The following ZFPM2 variants were observed in gnomAD, a reference collection of about 807,000 sequenced individuals.
ZFPM2 encodes zinc finger protein ZFPM2.
In ZFPM2, 20 loss-of-function variants were observed where a neutral mutation model predicts 98.6. The observed-to-expected ratio is 0.20, with a 90% CI of 0.14 to 0.29. The LOEUF (loss-of-function observed/expected upper bound fraction) is 0.29. Ranked by LOEUF, ZFPM2 falls within the 10% of genes least tolerant of loss-of-function variation. The pLI, the probability that ZFPM2 is intolerant of heterozygous loss-of-function variation, is 1.00. For missense variants in ZFPM2, 1,310 were observed against 1,388.6 expected, an observed-to-expected ratio of 0.94 and a Z score of 0.90; for synonymous variants, 518 against 502.7, an observed-to-expected ratio of 1.03 and a Z score of -0.41.
chr8:105,500,672 AATACT>A (rs1288680444), intron 3 of ZFPM2, among the ~76,000 whole-genome samples: 3 of 152,174 alleles, frequency 2.0e-5, no homozygotes, highest in Non-Finnish European at 4.4e-5. Flanking sequence ...TATTGAAGAA[AATACT>A]ATAATCAAAA....
At chr8:105,580,138 TCTC>T (rs150743970) in intron 4 of ZFPM2, among the ~76,000 whole-genome samples, 17,199 of 152,126 alleles carry the variant, frequency 0.11, 1,220 homozygotes, top group Non-Finnish European at 0.16. Flanking sequence ...TCTTATGTCT[TCTC>T]TTCTTTGGTC....
At chr8:105,340,852 C>T (rs1307018779) in intron 1 of ZFPM2, among the ~76,000 whole-genome samples, 1 of 151,766 alleles carries the variant, frequency 6.6e-6, no homozygotes, top group Non-Finnish European at 1.5e-5. Context: ...CATAAGTATA[C>T]GAAGAAAATA....
chr8:105,588,052 C>T (rs1254778567), intron 4 of ZFPM2, among the ~76,000 whole-genome samples: 1 of 152,024 alleles, frequency 6.6e-6, no homozygotes, highest in Non-Finnish European at 1.5e-5. Flanking sequence ...CTATATTTAG[C>T]CTTTAAAAAT....
chr8:105,708,751 A>G (rs1288950212), intron 5 of ZFPM2, among the ~76,000 whole-genome samples: 4 of 152,104 alleles, frequency 2.6e-5, no homozygotes, highest in Non-Finnish European at 5.9e-5. Context: ...GCCTATTATT[A>G]GTAGATAAGA....
At chr8:105,375,882 A>C (rs1810715558) in intron 1 of ZFPM2, among the ~76,000 whole-genome samples, 1 of 152,170 alleles carries the variant, frequency 6.6e-6, no homozygotes, top group Admixed American at 6.5e-5. Context: ...TGTAAATACA[A>C]GATCATTCCA....
intron 3 of ZFPM2, among the ~76,000 whole-genome samples, chr8:105,475,883 G>T (rs1463578850): frequency 6.6e-6 from 1 of 152,166 alleles, no homozygotes; most frequent in Non-Finnish European, 1.5e-5. Flanking sequence ...GTCATGAGGA[G>T]ACAAATTAAG....
chr8:105,573,724 A>G (rs1815405720), intron 4 of ZFPM2, among the ~76,000 whole-genome samples: 1 of 152,206 alleles, frequency 6.6e-6, no homozygotes, highest in Admixed American at 6.5e-5. Flanking sequence ...GGGGATCAAA[A>G]GTAGTTTGCT....
At chr8:105,625,854 A>G (rs1165801663) in intron 4 of ZFPM2, among the ~76,000 whole-genome samples, 1 of 151,984 alleles carries the variant, frequency 6.6e-6, no homozygotes, top group Admixed American at 6.6e-5. Flanking sequence ...AAGTACTGGG[A>G]TTACACGCCC....
chr8:105,679,698 G>C (rs937699786), intron 5 of ZFPM2, among the ~76,000 whole-genome samples: 7 of 151,722 alleles, frequency 4.6e-5, no homozygotes, highest in African/African-American at 1.7e-4. Context: ...TTGGGAGGCT[G>C]AGGTGTGGGG....
At chr8:105,365,027 C>G (rs1490682120) in intron 1 of ZFPM2, among the ~76,000 whole-genome samples, 1 of 152,114 alleles carries the variant, frequency 6.6e-6, no homozygotes, top group Non-Finnish European at 1.5e-5. Context: ...AACTTGCTCT[C>G]AGCCCCAAAC....
chr8:105,549,562 T>C (rs4734876), intron 3 of ZFPM2, among the ~76,000 whole-genome samples: 3,877 of 96,882 alleles, frequency 0.04, 342 homozygotes, highest in South Asian at 0.057. Context: ...TTCCTTCCTT[T>C]CTTCCTTCCA....
At chr8:105,570,032 G>T (rs1815321994) in intron 4 of ZFPM2, among the ~76,000 whole-genome samples, 1 of 152,084 alleles carries the variant, frequency 6.6e-6, no homozygotes, top group South Asian at 2.1e-4. Context: ...GTAGTGCAAG[G>T]ACTTATAACC....
chr8:105,484,851 CTTTTCTA>C (rs1474535193), intron 3 of ZFPM2, among the ~76,000 whole-genome samples: 1 of 152,114 alleles, frequency 6.6e-6, no homozygotes, highest in Non-Finnish European at 1.5e-5. Flanking sequence ...TCTGGAGCAG[CTTTTCTA>C]TTTGTCAGCT....
At chr8:105,595,465 G>C (rs1477997327) in intron 4 of ZFPM2, among the ~76,000 whole-genome samples, 3 of 152,102 alleles carry the variant, frequency 2.0e-5, no homozygotes, top group African/African-American at 7.2e-5. Context: ...TACTGTCTCA[G>C]ATGCCCACAG....
chr8:105,740,220 A>G (rs1478115179), intron 5 of ZFPM2, among the ~76,000 whole-genome samples: 1 of 152,072 alleles, frequency 6.6e-6, no homozygotes, highest in Non-Finnish European at 1.5e-5. Flanking sequence ...TTTCACAAAC[A>G]TACTTTTATA....
intron 1 of ZFPM2, among the ~76,000 whole-genome samples, chr8:105,407,013 G>A (rs1031517086): frequency 2.6e-5 from 4 of 151,726 alleles, no homozygotes; most frequent in African/African-American, 9.7e-5. Flanking sequence ...GTGCTGCTAG[G>A]CAACAGGTGA....
At chr8:105,524,893 A>G (rs537027547) in intron 3 of ZFPM2, among the ~76,000 whole-genome samples, 1 of 152,128 alleles carries the variant, frequency 6.6e-6, no homozygotes, top group Non-Finnish European at 1.5e-5. Context: ...CAAGTGTCTC[A>G]CCAGGAGATA....
intron 3 of ZFPM2, among the ~76,000 whole-genome samples, chr8:105,444,995 C>T (rs752309445): frequency 2.0e-5 from 3 of 151,980 alleles, no homozygotes; most frequent in Non-Finnish European, 4.4e-5. Context: ...AGAAAAAAGG[C>T]TTTATATTTG....
At chr8:105,380,436 G>A (rs1386994474) in intron 1 of ZFPM2, among the ~76,000 whole-genome samples, 1 of 149,014 alleles carries the variant, frequency 6.7e-6, no homozygotes, top group Non-Finnish European at 1.5e-5. Flanking sequence ...TTCTTCTCTT[G>A]AACACTGAAT....
Sources: allele counts gnomAD v4.1 joint callset (sites outside exome capture counted in the v4.1 genomes callset), GRCh38; gene constraint gnomAD v4.1.1; transcripts MANE v1.5; gene names NCBI Gene and HGNC (gene_info 2026-07-23, HGNC 2026-07-21).